The following HSPA9 variants were observed in gnomAD, a reference collection of about 807,000 sequenced individuals.
HSPA9 encodes the protein heat shock protein family A (Hsp70) member 9, also known as stress-70 protein, mitochondrial.
Under a neutral mutation model 81.5 loss-of-function variants are expected in HSPA9, and 28 were observed. The ratio of observed to expected loss-of-function variants is 0.34; its 90% CI spans 0.25 to 0.47. The LOEUF (loss-of-function observed/expected upper bound fraction) is 0.47, where lower values mean the gene tolerates loss of function less well. HSPA9 is among the 20% of genes least tolerant of loss of function. The pLI is 1.00. For missense variants in HSPA9, 678 were observed against 838.0 expected (o/e 0.81, Z 2.36); for synonymous variants, 293 against 290.4 (o/e 1.01, Z -0.09).
rs185005988 is a variant in HSPA9, at chr5:138,573,625, C to T, written c.228+138G>A. 1.8e-3 allele frequency: 1,070 copies of T among 598,006 alleles called. 9 individuals carry two copies. The highest frequency in any genetic ancestry group is 9.8e-3 in the Middle Eastern group (21 of 2,152). 37.0% of individuals were successfully genotyped at this position (598,006 alleles called of 1,614,324 possible). On this transcript the variant is annotated intron_variant, in intron 3 of 16. Coordinates refer to ENST00000297185, the MANE Select transcript of HSPA9 (RefSeq NM_004134.7). ...CCGTGCCACTGCACTCCACCATGGG[C>T]TATAGAGACTGTCTCCAAAAAAAAA...
chr5:138,553,820 A>C lies in HSPA9; in HGVS notation c.*2217T>G, dbSNP rs1750464830. 6.6e-6 allele frequency among the ~76,000 whole-genome samples: 1 copy of C among 152,208 alleles called. No homozygotes were observed. Among genetic ancestry groups the C allele is most frequent in the South Asian group, 2.1e-4 (1 of 4,830 alleles). Reference sequence around the variant, plus strand: ...AGCCATTGATGCCATTTAACGGGTTAAACATTTGTCTCTCTCCAGAAGAGA... The same window carrying C: ...AGCCATTGATGCCATTTAACGGGTTCAACATTTGTCTCTCTCCAGAAGAGA... On this transcript the variant is annotated 3_prime_UTR_variant, in exon 17 of 17. Transcript: ENST00000297185.
chr5:138,557,186 C>G (rs1411164447), intron 14 of HSPA9: 1 of 618,442 alleles, frequency 1.6e-6, no homozygotes, highest in Non-Finnish European at 2.9e-6. Context: ...CAAACTCTCC[C>G]ACTTTCTTGT....
At chr5:138,566,499 A>ACAAAC (rs1750765457) in intron 9 of HSPA9, 127 bp downstream of exon 9, 14 of 760,282 alleles carry the variant, frequency 1.8e-5, no homozygotes, top group Admixed American at 1.2e-4. Flanking sequence ...TAGAAACCAG[A>ACAAAC]AAACTGAAAA....
chr5:138,571,325 C>G (rs559126357), intron 3 of HSPA9, among the ~76,000 whole-genome samples, 184 bp from the exon 4 acceptor site: 1 of 152,154 alleles, frequency 6.6e-6, no homozygotes, highest in East Asian at 1.9e-4. Context: ...GTACTATAGG[C>G]GTGCACCACC....
Position 138,555,970 on chromosome 5 carries a change from G to T in HSPA9, c.*67C>A. The T allele has an allele frequency of 8.9e-7, 1 of 1,122,416 alleles. No individual in the cohort carries two copies. The highest frequency in any genetic ancestry group is 1.4e-6 in the Non-Finnish European group (1 of 735,082). 69.5% of individuals were successfully genotyped at this position (1,122,416 alleles called of 1,614,324 possible). A position where few individuals can be genotyped will look rare whatever the true frequency, so the allele number is the denominator to read the frequency against. On this transcript the variant is annotated 3_prime_UTR_variant, in exon 17 of 17. Transcript: ENST00000297185. ...AAAAGACTGAAGTTCGCCCATTTCT[G>T]CTCAGGAAGTCTCTTCACTCCTAAG... is the stretch of plus-strand genomic sequence containing the variant.
chr5:138,556,385 G>A, intron 16 of HSPA9, 67 bp downstream of exon 16: 2 of 1,561,420 alleles, frequency 1.3e-6, no homozygotes, highest in Non-Finnish European at 1.8e-6. Flanking sequence ...GGAGCCACCA[G>A]TGACAGTCAT....
Position 138,569,025 on chromosome 5 carries a change from G to T in HSPA9, c.435C>A (p.Val145=), listed in dbSNP as rs1431973640. Residue 145 remains valine, a synonymous_variant, in exon 5 of 17, where the codon GTC becomes GTA. Coordinates refer to ENST00000297185, the MANE Select transcript of HSPA9 (RefSeq NM_004134.7). The part of the protein sequence containing the change: ...KDIKNVPFKI[V]RASNGDAWVE... The stretch of plus-strand genomic sequence containing the variant: ...CCCAGGCATCACCATTGGAGGCACG[G>T]ACAATTTTAAAGGGAACATTTTTAC... 1.2e-5 allele frequency: 20 copies of T among 1,613,772 alleles called. No individual in the cohort carries two copies. The highest frequency in any genetic ancestry group is 1.6e-5 in the Non-Finnish European group (19 of 1,179,774).
intron 13 of HSPA9, 43 bp downstream of exon 13, chr5:138,557,826 T>G (rs778715438): frequency 8.3e-7 from 1 of 1,201,078 alleles, no homozygotes; most frequent in Non-Finnish European, 1.2e-6. Context: ...TCCCAAGACC[T>G]CCCTCACCTC....
In HSPA9 at chr5:138,569,027, C is replaced by G. The variant is rs1187476572; in HGVS notation, c.433G>C (p.Val145Leu). The G allele has an allele frequency of 6.2e-7, 1 of 1,613,730 alleles. No individual in the cohort carries two copies. Among genetic ancestry groups the G allele is most frequent in the African/African-American group, 1.3e-5 (1 of 74,884 alleles). ...KDIKNVPFKIVRASNGDAWVE... is the reference protein window; with the variant it reads ...KDIKNVPFKILRASNGDAWVE... ...CAGGCATCACCATTGGAGGCACGGA[C>G]AATTTTAAAGGGAACATTTTTACTG... Residue 145 changes from valine (V) to leucine (L), a missense_variant, in exon 5 of 17, where the codon GTC (valine) becomes CTC (leucine). Val to Leu is a conservative substitution (Grantham distance 32). This residue lies in a region of HSPA9 where 484 missense variants were observed against 647.5 expected (regional missense o/e 0.75). Transcript: ENST00000297185.
intron 16 of HSPA9, 84 bp downstream of exon 16, chr5:138,556,368 T>C: frequency 2.7e-6 from 4 of 1,478,420 alleles, no homozygotes; most frequent in Non-Finnish European, 3.7e-6. Flanking sequence ...CACAAATGGC[T>C]ATGGAGGGAG....
In HSPA9 at chr5:138,566,682, G is replaced by C. The variant is rs1481587917; in HGVS notation, c.916C>G (p.Gln306Glu). Residue 306 changes from glutamine (Q) to glutamate (E), a missense_variant, in exon 9 of 17, where the codon CAG (glutamine) becomes GAG (glutamate). Coordinates refer to ENST00000297185, the MANE Select transcript of HSPA9 (RefSeq NM_004134.7). ...TTTTCAGCAGCTTCCCGTACCCTCT[G>C]AAGTGCCATGTTGTCTTTAGTCAAA... ...VDLTKDNMALQRVREAAEKAK... is the reference protein window; with the variant it reads ...VDLTKDNMALERVREAAEKAK... 6.2e-7 allele frequency: 1 copy of C among 1,613,904 alleles called. No individual in the cohort carries two copies. Among genetic ancestry groups the C allele is most frequent in the Non-Finnish European group, 8.5e-7 (1 of 1,179,928 alleles).
intron 5 of HSPA9, among the ~76,000 whole-genome samples, chr5:138,568,263 G>A (rs1272154080): frequency 2.0e-5 from 3 of 152,108 alleles, no homozygotes; most frequent in Non-Finnish European, 2.9e-5. Context: ...CTGAGAGGCT[G>A]AGGCGGATGA....
intron 11 of HSPA9, 67 bp downstream of exon 11, chr5:138,559,797 T>C: frequency 9.7e-7 from 1 of 1,034,404 alleles, no homozygotes; most frequent in South Asian, 1.3e-5. Context: ...CTCATGAAAG[T>C]GGCTGCAATT....
intron 4 of HSPA9, among the ~76,000 whole-genome samples, chr5:138,569,953 G>A (rs926685578): frequency 6.6e-6 from 1 of 151,802 alleles, no homozygotes; most frequent in African/African-American, 2.4e-5. Flanking sequence ...GAGTGCAATG[G>A]CATGATCTCA....
At chr5:138,573,029 G>GACTACTGGACTACAGTAGT (rs1212647460) in intron 3 of HSPA9, among the ~76,000 whole-genome samples, 1 of 152,100 alleles carries the variant, frequency 6.6e-6, no homozygotes, top group East Asian at 1.9e-4. Context: ...CCGAGTAGCG[G>GACTACTGGACTACAGTAGT]GGACTACAGG....
At position 138,566,629 on chromosome 5, in the gene HSPA9, C is replaced by T. The variant is rs753583772; in HGVS notation, c.969G>A (p.Val323=). The change falls in exon 9 of 17, where the codon GTG becomes GTA. Residue 323 remains valine (V), a synonymous_variant. Transcript: ENST00000297185. The part of the protein sequence containing the change: ...EKAKCELSSS[V]QTDINLPYLT... Reference sequence around the variant, plus strand: ...GCTCGAATTTTCCGTGTCTCACCTGCACAGATGAGGAGAGTTCACATTTAG... The same window carrying T: ...GCTCGAATTTTCCGTGTCTCACCTGTACAGATGAGGAGAGTTCACATTTAG... The T allele has an allele frequency of 5.0e-6, 8 of 1,607,108 alleles. No individual in the cohort carries two copies. In the South Asian group the frequency reaches 5.5e-5, roughly 11 times the overall value.
intron 2 of HSPA9, 63 bp from the exon 3 acceptor site, chr5:138,573,913 G>T: frequency 7.3e-7 from 1 of 1,370,188 alleles, no homozygotes; most frequent in African/African-American, 1.4e-5. Context: ...GTCACTGGAA[G>T]ATAATATTTA....
intron 13 of HSPA9, among the ~76,000 whole-genome samples, 176 bp downstream of exon 13, chr5:138,557,693 G>T (rs1750557654): frequency 6.6e-6 from 1 of 152,266 alleles, no homozygotes; most frequent in African/African-American, 2.4e-5. Flanking sequence ...TGGCCTGTTT[G>T]CCCATCAAAA....
chr5:138,575,119 T>C (rs566156582), intron 1 of HSPA9, 119 bp downstream of exon 1: 3 of 709,172 alleles, frequency 4.2e-6, no homozygotes, highest in Admixed American at 5.6e-5. Flanking sequence ...GTTACCTTCC[T>C]TCCCGCCTGA....
Sources: allele counts gnomAD v4.1 joint callset (sites outside exome capture counted in the v4.1 genomes callset), GRCh38; gene constraint gnomAD v4.1.1; regional missense constraint gnomAD v4.1.1; transcripts MANE v1.5; gene names NCBI Gene and HGNC (gene_info 2026-07-23, HGNC 2026-07-21).